Variants in ERCC8 observed in about 807,000 individuals in gnomAD.
The protein encoded by ERCC8 is ERCC excision repair 8, CSA ubiquitin ligase complex subunit, also known as DNA excision repair protein ERCC-8.
Under a neutral mutation model 54.9 loss-of-function variants are expected in ERCC8, and 52 were observed. The observed-to-expected ratio is 0.95, with a 90% CI of 0.76 to 1.19. The LOEUF (loss-of-function observed/expected upper bound fraction) is 1.19, where lower values mean the gene tolerates loss of function less well. Ranked by LOEUF, ERCC8 falls within the 50% of genes most tolerant of loss-of-function variation. The pLI is 0.00. For missense variants in ERCC8, 514 were observed against 466.1 expected (o/e 1.10, Z -0.95); for synonymous variants, 146 against 157.2 (o/e 0.93, Z 0.53).
At chr5:60,892,876 T>C (rs1748606496) in intron 9 of ERCC8, 1 of 702,748 alleles carries the variant, frequency 1.4e-6, no homozygotes, top group Non-Finnish European at 2.6e-6. Context: ...AGGCTGCTTT[T>C]CCCAATATTG....
chr5:60,935,476 C>T (rs532309370), intron 1 of ERCC8, among the ~76,000 whole-genome samples: 1 of 152,262 alleles, frequency 6.6e-6, no homozygotes, highest in South Asian at 2.1e-4. Context: ...ATCATGTTAT[C>T]AGTAAACAGC....
rs1283969486 is a variant in ERCC8 at position 60,892,373 on chromosome 5, T to A, written c.844-1287A>T. 5.5e-6 allele frequency: 3 copies of A among 548,882 alleles called. No individual in the cohort carries two copies. The East Asian group carries it at 1.4e-4, about 26-fold the overall frequency. The allele number at this position is 548,882 out of a possible 1,614,324, so 34.0% of individuals were successfully genotyped here. The stretch of plus-strand genomic sequence containing the variant: ...AGTGGCCAAGCATTCCATGGTGTCT[T>A]CATTGACTTGCTCGGTATCCTCGAT... On this transcript the variant is annotated intron_variant, in intron 9 of 11. Transcript: ENST00000676185.
At chr5:60,883,289 ATAT>A (rs1748299573) in intron 11 of ERCC8, among the ~76,000 whole-genome samples, 1 of 152,230 alleles carries the variant, frequency 6.6e-6, no homozygotes, top group Non-Finnish European at 1.5e-5. Context: ...TCACAAATAA[ATAT>A]TATACTGGTA....
At position 60,872,530 on chromosome 5, in the gene ERCC8, T is replaced by C. The variant is rs995850113; in HGVS notation, c.*2085A>G. ...GACATGCAAATGGCCAGCAGATATA[T>C]GAAAAAATTATCAACATCAGCAGTC... On this transcript the variant is annotated 3_prime_UTR_variant, in exon 12 of 12. Coordinates refer to ENST00000676185, the MANE Select transcript of ERCC8 (RefSeq NM_000082.4). Among the ~76,000 whole-genome samples the C allele has an allele frequency of 5.3e-5, 8 of 152,000 alleles. No homozygotes were observed. The highest frequency in any genetic ancestry group is 1.7e-4 in the African/African-American group (7 of 41,386).
intron 7 of ERCC8, 70 bp downstream of exon 7, chr5:60,902,372 C>T: frequency 8.8e-7 from 1 of 1,138,550 alleles, no homozygotes; most frequent in East Asian, 2.4e-5. Context: ...ATATACATTA[C>T]ATAAATGTAG....
At chr5:60,892,057 G>A (rs755431677) in intron 9 of ERCC8, 14 of 531,246 alleles carry the variant, frequency 2.6e-5, no homozygotes, top group Non-Finnish European at 4.2e-5. Context: ...GGATGCTAGA[G>A]CCTGGCCCTG....
chr5:60,914,862 T>C (rs937452008), intron 4 of ERCC8, among the ~76,000 whole-genome samples: 10 of 151,736 alleles, frequency 6.6e-5, no homozygotes, highest in Non-Finnish European at 1.2e-4. Context: ...GACTAATATG[T>C]AGTTTTCCCC....
chr5:60,927,805 GAATT>G (rs1201193422), intron 2 of ERCC8, among the ~76,000 whole-genome samples: 2 of 152,152 alleles, frequency 1.3e-5, no homozygotes, highest in Admixed American at 1.3e-4. Flanking sequence ...AAAAAGAAAA[GAATT>G]ATTACTCATC....
At chr5:60,875,991 T>C (rs1046698886) in intron 11 of ERCC8, among the ~76,000 whole-genome samples, 9 of 152,018 alleles carry the variant, frequency 5.9e-5, no homozygotes, top group Non-Finnish European at 1.0e-4. Flanking sequence ...TGCACCCATT[T>C]AACATTAGGT....
chr5:60,943,270 C>CA (rs879765446), intron 1 of ERCC8, among the ~76,000 whole-genome samples: 219 of 148,520 alleles, frequency 1.5e-3, no homozygotes, highest in Non-Finnish European at 2.0e-3. Flanking sequence ...GACCCTGCCT[C>CA]AAAAAAAAAA....
At chr5:60,912,741 C>T (rs1749307910) in intron 4 of ERCC8, among the ~76,000 whole-genome samples, 1 of 151,960 alleles carries the variant, frequency 6.6e-6, no homozygotes, top group South Asian at 2.1e-4. Context: ...TCATAAATAG[C>T]CCTTATTATT....
At chr5:60,874,794 T>G (rs528311994) in intron 11 of ERCC8, 111 bp from the exon 12 acceptor site, 1 of 885,396 alleles carries the variant, frequency 1.1e-6, no homozygotes, top group African/African-American at 1.7e-5. Context: ...TTACATTATT[T>G]TGGAAGAAAA....
chr5:60,933,707 C>T (rs1231333271), intron 1 of ERCC8, among the ~76,000 whole-genome samples: 1 of 152,162 alleles, frequency 6.6e-6, no homozygotes, highest in Non-Finnish European at 1.5e-5. Context: ...AATGTGCAGT[C>T]TTTTAACCTT....
At chr5:60,914,099 T>C (rs1156899592) in intron 4 of ERCC8, among the ~76,000 whole-genome samples, 1 of 152,172 alleles carries the variant, frequency 6.6e-6, no homozygotes. Context: ...TGTAGATGTC[T>C]ATTAGGTCTG....
chr5:60,906,244 C>A (rs1313614047), intron 4 of ERCC8, among the ~76,000 whole-genome samples: 1 of 151,942 alleles, frequency 6.6e-6, no homozygotes, highest in African/African-American at 2.4e-5. Flanking sequence ...CCATGTTGCC[C>A]AGGCTGGTCT....
At chr5:60,904,632 G>GTATATATATATA (rs775272984) in intron 5 of ERCC8, among the ~76,000 whole-genome samples, 160 bp downstream of exon 5, 1 of 35,864 alleles carries the variant, frequency 2.8e-5, no homozygotes, top group Non-Finnish European at 4.3e-5. Flanking sequence ...GTGTGTGTGT[G>GTATATATATATA]TGTATATATA....
At chr5:60,919,163 A>G (rs1283566393) in intron 3 of ERCC8, among the ~76,000 whole-genome samples, 2 of 152,052 alleles carry the variant, frequency 1.3e-5, no homozygotes, top group African/African-American at 4.8e-5. Flanking sequence ...GTGGTACTGT[A>G]GTTATGCTCA....
chr5:60,923,632 G>A (rs753906336), intron 2 of ERCC8, among the ~76,000 whole-genome samples: 5 of 152,008 alleles, frequency 3.3e-5, no homozygotes, highest in Non-Finnish European at 7.4e-5. Context: ...TTAATTCAAA[G>A]TACCTTTCTT....
rs1230792910 is a variant in ERCC8, at chr5:60,904,836, C to T, written c.437G>A (p.Ser146Asn). 6.3e-7 allele frequency: 1 copy of T among 1,598,520 alleles called. No homozygotes were observed. Among genetic ancestry groups the T allele is most frequent in the East Asian group, 2.2e-5 (1 of 44,602 alleles). ...GGTGGAGACTGGAGACATATGATGA[C>T]TATAAACTGTTTCCTCAAAATTAAA... ...DVFNFEETVYSHHMSPVSTKH... is the reference protein window; with the variant it reads ...DVFNFEETVYNHHMSPVSTKH... Residue 146 changes from serine to asparagine, a missense_variant, in exon 5 of 12, where the codon AGT becomes AAT. Ser to Asn is a conservative substitution (Grantham distance 46). Coordinates refer to ENST00000676185, the MANE Select transcript of ERCC8 (RefSeq NM_000082.4).
Sources: gnomAD v4.1 joint callset for allele counts (sites outside exome capture counted in the v4.1 genomes callset) on GRCh38, gnomAD v4.1.1 for gene constraint, MANE v1.5 for transcripts, NCBI Gene and HGNC (gene_info 2026-07-23, HGNC 2026-07-21) for gene names.